The following ATXN7L1 variants were observed in gnomAD, a reference collection of about 807,000 sequenced individuals.
ATXN7L1 encodes ataxin 7 like 1, also known as ataxin-7-like protein 1.
A neutral mutation model predicts 70.8 loss-of-function variants in ATXN7L1; 15 were observed. The ratio of observed to expected loss-of-function variants is 0.21; its 90% CI spans 0.14 to 0.33. The LOEUF (loss-of-function observed/expected upper bound fraction) is 0.33. ATXN7L1 is among the 10% of genes least tolerant of loss of function. The pLI, the probability that ATXN7L1 is intolerant of heterozygous loss-of-function variation, is 1.00. For missense variants in ATXN7L1, 975 were observed against 1,097.1 expected, an observed-to-expected ratio of 0.89 and a Z score of 1.57; for synonymous variants, 440 against 445.1, an observed-to-expected ratio of 0.99 and a Z score of 0.14.
chr7:105,822,214 G>A (rs1401199330), intron 2 of ATXN7L1, among the ~76,000 whole-genome samples: 1 of 152,196 alleles, frequency 6.6e-6, no homozygotes, highest in East Asian at 1.9e-4. Flanking sequence ...GACGTGGGAG[G>A]ATTGCTTGAG....
At chr7:105,643,533 C>A (rs765085873) in intron 4 of ATXN7L1, among the ~76,000 whole-genome samples, 1 of 152,250 alleles carries the variant, frequency 6.6e-6, no homozygotes, top group Non-Finnish European at 1.5e-5. Flanking sequence ...GCCCCCTCCC[C>A]CCGCTGCTCA....
chr7:105,728,895 T>C (rs1205366494), intron 3 of ATXN7L1, among the ~76,000 whole-genome samples: 1 of 152,002 alleles, frequency 6.6e-6, no homozygotes, highest in African/African-American at 2.4e-5. Context: ...AGAAACAAAA[T>C]AAAGTAGTAT....
intron 2 of ATXN7L1, among the ~76,000 whole-genome samples, chr7:105,805,591 G>A (rs1807453248): frequency 6.6e-6 from 1 of 152,174 alleles, no homozygotes; most frequent in Admixed American, 6.5e-5. Context: ...AAGAGACAGG[G>A]CGAGACTCAC....
intron 7 of ATXN7L1, among the ~76,000 whole-genome samples, chr7:105,637,866 A>G (rs984632164): frequency 6.6e-6 from 1 of 152,142 alleles, no homozygotes; most frequent in African/African-American, 2.4e-5. Flanking sequence ...TGCAAAACAA[A>G]TATCGTGGCA....
At chr7:105,727,767 T>TATATATATA (rs1554442528) in intron 3 of ATXN7L1, among the ~76,000 whole-genome samples, 1,888 of 100,188 alleles carry the variant, frequency 0.019, 73 homozygotes, top group African/African-American at 0.045. Context: ...TATATATATA[T>TATATATATA]ATATATATAT....
At position 105,680,074 on chromosome 7, in the gene ATXN7L1, T is replaced by TA. The variant is rs35358930; in HGVS notation, c.356-14787dup. On this transcript the variant is annotated intron_variant, in intron 3 of 11. Transcript: ENST00000419735. ...TAGATAAGGGGTACATGCCTTTTAG[T>TA]AAAAAAAAAAAAAAAAAAATTAAAC... Among the ~76,000 whole-genome samples the TA allele has an allele frequency of 6.4e-3, 857 of 133,426 alleles. 5 individuals are homozygous for TA. The highest frequency in any genetic ancestry group is 0.014 in the South Asian group (55 of 4,062). The allele number at this position is 133,426 out of a possible 152,430, so 87.5% of individuals were successfully genotyped here. A position where few individuals can be genotyped will look rare whatever the true frequency, so the allele number is the denominator to read the frequency against.
In ATXN7L1 at chr7:105,743,810, C is replaced by T. The variant is rs139712151; in HGVS notation, c.355+44794G>A. ...TAACTTATGAGGAAATAGATCTTTC[C>T]GCCTCAGTAACAACAAAATTGGTCT... On this transcript the variant is annotated intron_variant, in intron 3 of 11. Transcript: ENST00000419735. Among the ~76,000 whole-genome samples the T allele has an allele frequency of 3.3e-5, 5 of 152,274 alleles. No individual in the cohort carries two copies. In the East Asian group the frequency reaches 5.8e-4, roughly 18 times the overall value.
intron 3 of ATXN7L1, among the ~76,000 whole-genome samples, chr7:105,704,651 T>C (rs1393490055): frequency 1.4e-5 from 2 of 139,994 alleles, no homozygotes; most frequent in Non-Finnish European, 3.0e-5. Flanking sequence ...TGGAGTGCAG[T>C]GGTACGATCT....
chr7:105,683,221 A>G (rs1805757296), intron 3 of ATXN7L1, among the ~76,000 whole-genome samples: 1 of 152,228 alleles, frequency 6.6e-6, no homozygotes, highest in Non-Finnish European at 1.5e-5. Context: ...ACACATGCAT[A>G]CACATGCATA....
chr7:105,707,416 A>C (rs1169773120), intron 3 of ATXN7L1, among the ~76,000 whole-genome samples: 2 of 152,198 alleles, frequency 1.3e-5, no homozygotes, highest in Non-Finnish European at 2.9e-5. Flanking sequence ...GCTTGGGTAG[A>C]GGTCAAAATG....
chr7:105,765,196 T>A (rs1190590960), intron 3 of ATXN7L1, among the ~76,000 whole-genome samples: 1 of 151,342 alleles, frequency 6.6e-6, no homozygotes, highest in Non-Finnish European at 1.5e-5. Flanking sequence ...TAGCCAGGCA[T>A]GGTGGGGCAT....
At chr7:105,700,669 G>A (rs1792335760) in intron 3 of ATXN7L1, among the ~76,000 whole-genome samples, 1 of 151,948 alleles carries the variant, frequency 6.6e-6, no homozygotes, top group African/African-American at 2.4e-5. Flanking sequence ...TCTACCCTGA[G>A]CTGCCTTTGC....
chr7:105,772,640 CA>C (rs1429739173), intron 3 of ATXN7L1, among the ~76,000 whole-genome samples: 1 of 152,102 alleles, frequency 6.6e-6, no homozygotes, highest in Non-Finnish European at 1.5e-5. Flanking sequence ...AATTGTAAAG[CA>C]AAAGGTGTCA....
At position 105,871,847 on chromosome 7, in the gene ATXN7L1, G is replaced by T. The variant is rs529381288; in HGVS notation, c.250+3965C>A. On this transcript the variant is annotated intron_variant, in intron 2 of 11. Transcript: ENST00000419735. ...TAACATTTCATACTTTATAGGTGGA[G>T]AACTGAAAGAAATGGAAAGAATTGA... 3.9e-5 allele frequency among the ~76,000 whole-genome samples: 6 copies of T among 152,212 alleles called. No individual in the cohort carries two copies. In the East Asian group the frequency reaches 7.7e-4, roughly 20 times the overall value.
intron 2 of ATXN7L1, among the ~76,000 whole-genome samples, chr7:105,869,372 T>C (rs1453287720): frequency 1.3e-5 from 2 of 152,230 alleles, no homozygotes; most frequent in African/African-American, 4.8e-5. Context: ...CCTATTAACA[T>C]AGATAACAGA....
At chr7:105,784,084 C>G (rs918943247) in intron 3 of ATXN7L1, among the ~76,000 whole-genome samples, 7 of 152,170 alleles carry the variant, frequency 4.6e-5, no homozygotes, top group Non-Finnish European at 8.8e-5. Context: ...ACCTCAGCAT[C>G]CTGAGTAGCT....
At chr7:105,871,660 A>C (rs561504890) in intron 2 of ATXN7L1, among the ~76,000 whole-genome samples, 1 of 152,088 alleles carries the variant, frequency 6.6e-6, no homozygotes, top group East Asian at 1.9e-4. Flanking sequence ...CAGTGAGCCA[A>C]GATCATGCCA....
chr7:105,791,727 A>C (rs1805271293), intron 2 of ATXN7L1, among the ~76,000 whole-genome samples: 2 of 152,232 alleles, frequency 1.3e-5, no homozygotes, highest in Admixed American at 1.3e-4. Context: ...CACATTTTAT[A>C]TCCAGGAACA....
intron 5 of ATXN7L1, among the ~76,000 whole-genome samples, chr7:105,641,939 C>A (rs1401628214): frequency 6.6e-6 from 1 of 152,206 alleles, no homozygotes; most frequent in African/African-American, 2.4e-5. Flanking sequence ...ACCCACAATT[C>A]CTTGGGTGCT....
Sources: gnomAD v4.1 joint callset for allele counts (sites outside exome capture counted in the v4.1 genomes callset) on GRCh38, gnomAD v4.1.1 for gene constraint, MANE v1.5 for transcripts, NCBI Gene and HGNC (gene_info 2026-07-23, HGNC 2026-07-21) for gene names.